BPIFB2: variants seen among roughly 807,000 people sequenced by gnomAD.
BPIFB2 encodes the protein BPI fold-containing family B member 2.
Under a neutral mutation model 50.1 loss-of-function variants are expected in BPIFB2, and 39 were observed. That is an observed-to-expected ratio of 0.78 (90% CI 0.60 to 1.02). The LOEUF (loss-of-function observed/expected upper bound fraction) is 1.02, where lower values mean the gene tolerates loss of function less well. BPIFB2 is among the 50% of genes least tolerant of loss of function. The probability of loss-of-function intolerance (pLI) is 0.00; values close to 1 mark genes in which losing one functional copy is unlikely to be tolerated. For missense variants in BPIFB2, 574 were observed against 585.8 expected, an observed-to-expected ratio of 0.98 and a Z score of 0.21; for synonymous variants, 280 against 256.3, an observed-to-expected ratio of 1.09 and a Z score of -0.88.
In BPIFB2 at chr20:33,019,452, G is replaced by C. The variant is rs11905785; in HGVS notation, c.910-128G>C. On this transcript the variant is annotated intron_variant, in intron 10 of 15. Transcript: ENST00000170150. ...GTAAGACCCACTGGCTTACACAGAG[G>C]GGGGACCCACCTCTGTGCCCAGTCA... 6,534 of 1,123,604 alleles carry C rather than the reference G, an allele frequency of 5.8e-3. 272 individuals are homozygous for C. The African/African-American group carries it at 0.091, about 16-fold the overall frequency. 69.6% of individuals were successfully genotyped at this position (1,123,604 alleles called of 1,614,324 possible). A position where few individuals can be genotyped will look rare whatever the true frequency, so the allele number is the denominator to read the frequency against.
chr20:33,008,070 GAT>G (rs1990233073), intron 1 of BPIFB2, among the ~76,000 whole-genome samples: 1 of 152,168 alleles, frequency 6.6e-6, no homozygotes, highest in Non-Finnish European at 1.5e-5. Context: ...GCCAGGAGGG[GAT>G]GAGGACAGGA....
In BPIFB2 at chr20:33,009,738, C is replaced by T. The variant is rs1370598301; in HGVS notation, c.109+1055C>T. Among the ~76,000 whole-genome samples, 2 of 152,244 alleles carry T rather than the reference C, an allele frequency of 1.3e-5. No homozygotes were observed. The highest frequency in any genetic ancestry group is 4.8e-5 in the African/African-American group (2 of 41,460). Reference sequence around the variant, plus strand: ...CGCCGCCTTCCTGCCCTCTGCCCATCCTGTGCAAGCCTCCTTTGTCCCCAG... The same window carrying T: ...CGCCGCCTTCCTGCCCTCTGCCCATTCTGTGCAAGCCTCCTTTGTCCCCAG... On this transcript the variant is annotated intron_variant, in intron 2 of 15. Coordinates refer to ENST00000170150, the MANE Select transcript of BPIFB2 (RefSeq NM_025227.3). This position sits in a 1 kb window ranked among gnomAD's most constrained non-coding sequence, Gnocchi z 4.2.
chr20:33,010,144 C>CATCA (rs145934924), intron 2 of BPIFB2, among the ~76,000 whole-genome samples: 2,319 of 152,250 alleles, frequency 0.015, 52 homozygotes, highest in African/African-American at 0.051. Context: ...CTTCCAGCAC[C>CATCA]ATCACCTCTT....
In BPIFB2 at chr20:33,021,715, G is replaced by A. The variant is rs375948668; in HGVS notation, c.1259-8G>A. On this transcript the variant is annotated splice_polypyrimidine_tract_variant and splice_region_variant and intron_variant, in intron 14 of 15. Coordinates refer to ENST00000170150, the MANE Select transcript of BPIFB2 (RefSeq NM_025227.3). Reference sequence around the variant, plus strand: ...AGGGGACGATCCTTTCTTCTTTCTCGCCTGCAGCTCTCTTGGCCATGGGAA... The same window carrying A: ...AGGGGACGATCCTTTCTTCTTTCTCACCTGCAGCTCTCTTGGCCATGGGAA... 9.4e-5 allele frequency: 152 copies of A among 1,613,672 alleles called. No homozygotes were observed. Among genetic ancestry groups the A allele is most frequent in the Middle Eastern group, 1.6e-4 (1 of 6,084 alleles).
In BPIFB2 at chr20:33,013,853, G is replaced by T; in HGVS notation, c.352G>T (p.Ala118Ser). 6.2e-7 allele frequency: 1 copy of T among 1,614,018 alleles called. No homozygotes were observed. The highest frequency in any genetic ancestry group is 8.5e-7 in the Non-Finnish European group (1 of 1,179,994). Residue 118 changes from alanine (A) to serine (S), a missense_variant, in exon 5 of 16, where the codon GCT (alanine) becomes TCT (serine). By Grantham distance (99) the Ala-to-Ser change is moderately conservative. Coordinates refer to ENST00000170150, the MANE Select transcript of BPIFB2 (RefSeq NM_025227.3). ...LELTLPVELL[A>S]DTRVTQSSIR... is the part of the protein sequence containing the mutation. ...GCTGACGCTGCCTGTGGAACTGCTG[G>T]CTGACACCCGCGTGACCCAGAGCTC...
At chr20:33,021,828 G>T (rs746373556) in intron 15 of BPIFB2, 29 bp downstream of exon 15, 1 of 1,597,748 alleles carries the variant, frequency 6.3e-7, no homozygotes, top group Non-Finnish European at 8.6e-7. Flanking sequence ...GACCAGAGGG[G>T]CCTCCTTCAC....
intron 13 of BPIFB2, 30 bp from the exon 14 acceptor site, chr20:33,021,251 G>A (rs777723588): frequency 2.2e-5 from 36 of 1,612,416 alleles, no homozygotes; most frequent in Admixed American, 1.2e-4. Flanking sequence ...CGGCTGGGAC[G>A]GGCCCATCTC....
chr20:33,016,209 C>A (rs973119537), intron 6 of BPIFB2, among the ~76,000 whole-genome samples: 1 of 152,070 alleles, frequency 6.6e-6, no homozygotes, highest in Non-Finnish European at 1.5e-5. Flanking sequence ...CACCCCACAC[C>A]CCCCAGAGGG....
At chr20:33,023,048 A>G (rs1358466327) in intron 15 of BPIFB2, among the ~76,000 whole-genome samples, 1 of 152,148 alleles carries the variant, frequency 6.6e-6, no homozygotes, top group Non-Finnish European at 1.5e-5. Context: ...CTTGGAGAAG[A>G]TGCTCCATGG....
In BPIFB2 at chr20:33,013,950, G is replaced by GT; in HGVS notation, c.450dup (p.Asn151Ter). ...GGCCACGCCAACGAGTTTGATGGCA[G>GT]TAACAGGTGGGTGCCTGGTGAGGGC... On this transcript the variant is annotated frameshift_variant, in exon 5 of 16. Coordinates refer to ENST00000170150, the MANE Select transcript of BPIFB2 (RefSeq NM_025227.3). LOFTEE classifies it high-confidence loss of function. 6.2e-7 allele frequency: 1 copy of GT among 1,613,274 alleles called. No homozygotes were observed. Among genetic ancestry groups the GT allele is most frequent in the South Asian group, 1.1e-5 (1 of 91,022 alleles).
chr20:33,011,153 C>T (rs755862126), intron 3 of BPIFB2, 36 bp downstream of exon 3: 21 of 1,589,258 alleles, frequency 1.3e-5, no homozygotes, highest in Admixed American at 1.7e-5. Context: ...GGTGCTCCTG[C>T]CACCAAGTGG....
At chr20:33,010,888 A>G in intron 2 of BPIFB2, 136 bp from the exon 3 acceptor site, 2 of 706,156 alleles carry the variant, frequency 2.8e-6, no homozygotes, top group Non-Finnish European at 2.4e-6. Context: ...TGCCCTCCCC[A>G]TATGCTTGGA....
At chr20:33,017,213 T>C (rs1267025846) in intron 7 of BPIFB2, 111 bp downstream of exon 7, 1 of 899,614 alleles carries the variant, frequency 1.1e-6, no homozygotes, top group Admixed American at 2.7e-5. Context: ...GGAGAGTCAG[T>C]TGTAGGGTGA....
Position 33,008,553 on chromosome 20 carries a change from G to A in BPIFB2, c.-22G>A, listed in dbSNP as rs971312134. The A allele has an allele frequency of 1.9e-6, 3 of 1,559,608 alleles. No individual in the cohort carries two copies. Among genetic ancestry groups the A allele is most frequent in the Non-Finnish European group, 1.7e-6 (2 of 1,150,934 alleles). ...ATTTCTACCCCAGCCCACAGATCCT[G>A]TGGGCAGCGGCCAGGGCAGCCATGG... is the stretch of plus-strand genomic sequence containing the variant. On this transcript the variant is annotated 5_prime_UTR_variant, in exon 2 of 16. In the 5' UTR this introduces an upstream ATG that the reference lacks. Coordinates refer to ENST00000170150, the MANE Select transcript of BPIFB2 (RefSeq NM_025227.3).
At chr20:33,016,411 G>A (rs983624179) in intron 6 of BPIFB2, among the ~76,000 whole-genome samples, 1 of 152,106 alleles carries the variant, frequency 6.6e-6, no homozygotes, top group Non-Finnish European at 1.5e-5. Context: ...GGGGCTTCAG[G>A]CAGCACTGCA....
At position 33,023,335 on chromosome 20, in the gene BPIFB2, C is replaced by T. The variant is rs1366466276; in HGVS notation, c.1336-7C>T. 1 of 1,613,670 alleles carries T rather than the reference C, an allele frequency of 6.2e-7. No homozygotes were observed. The highest frequency in any genetic ancestry group is 2.2e-5 in the East Asian group (1 of 44,876). ...TGACCTGGTCCATGGTTTCCTTTGCCCTTCAGGGCTACGTGGTGATATCCA... is the reference window on the plus strand; with the variant it reads ...TGACCTGGTCCATGGTTTCCTTTGCTCTTCAGGGCTACGTGGTGATATCCA... On this transcript the variant is annotated splice_polypyrimidine_tract_variant and splice_region_variant and intron_variant, in intron 15 of 15. Transcript: ENST00000170150.
intron 10 of BPIFB2, 54 bp downstream of exon 10, chr20:33,019,169 G>A: frequency 6.2e-7 from 1 of 1,602,090 alleles, no homozygotes; most frequent in Non-Finnish European, 8.6e-7. Flanking sequence ...TGGGGTGGGG[G>A]TTCTCTGGGT....
rs62207506 is a variant in BPIFB2 at position 33,021,440 on chromosome 20, G to A, written c.1258+96G>A. The A allele has an allele frequency of 0.27, 371,845 of 1,375,532 alleles. 53,567 individuals are homozygous for A. The highest frequency in any genetic ancestry group is 0.29 in the Middle Eastern group (1,511 of 5,162). 85.2% of individuals were successfully genotyped at this position (1,375,532 alleles called of 1,614,324 possible). ...ATCCCAGCCCCCTTCCCACCTCCCA[G>A]GCTCACAGGGTGAGAGGGGGCCTCT... On this transcript the variant is annotated intron_variant, in intron 14 of 15. Transcript: ENST00000170150.
chr20:33,018,935 G>A (rs757811849), intron 9 of BPIFB2, 113 bp downstream of exon 9: 36 of 1,564,808 alleles, frequency 2.3e-5, no homozygotes, highest in Non-Finnish European at 2.8e-5. Flanking sequence ...TGAAGCTGGC[G>A]CCACAGGGTG....
Sources: gnomAD v4.1 joint callset for allele counts (sites outside exome capture counted in the v4.1 genomes callset) on GRCh38, gnomAD v4.1.1 for gene constraint, Gnocchi (gnomAD v3.1) non-coding constraint, MANE v1.5 for transcripts, NCBI Gene and HGNC (gene_info 2026-07-23, HGNC 2026-07-21) for gene names.